Variants in SAE1 observed in about 807,000 individuals in gnomAD.
SAE1 encodes the protein SUMO-activating enzyme subunit 1.
SAE1 carries 11 observed loss-of-function variants against 40.6 expected under a neutral mutation model. The ratio of observed to expected loss-of-function variants is 0.27; its 90% CI spans 0.17 to 0.45. The LOEUF (loss-of-function observed/expected upper bound fraction) is 0.45. Ranked by LOEUF, SAE1 falls within the 20% of genes least tolerant of loss-of-function variation. The pLI is 1.00. For synonymous variants in SAE1, 155 were observed against 154.3 expected (o/e 1.00, Z -0.03); for missense variants, 373 against 427.3 (o/e 0.87, Z 1.12).
In SAE1 at chr19:47,184,642, C is replaced by T. The variant is rs147198116; in HGVS notation, c.734-12591C>T. Among the ~76,000 whole-genome samples, 807 of 152,042 alleles carry T rather than the reference C, an allele frequency of 5.3e-3. 12 individuals are homozygous for T. Among genetic ancestry groups the T allele is most frequent in the African/African-American group, 0.019 (785 of 41,458 alleles). On this transcript the variant is annotated intron_variant, in intron 6 of 8. Transcript: ENST00000270225. The stretch of plus-strand genomic sequence containing the variant: ...GCCAGGCTACTCTTGAACTCCTGAC[C>T]TCAGGTGATCCACCCACCTCAGCCT...
intron 6 of SAE1, among the ~76,000 whole-genome samples, chr19:47,191,332 GAAAAAC>G (rs920052319): frequency 6.6e-6 from 1 of 151,914 alleles, no homozygotes; most frequent in African/African-American, 2.4e-5. Flanking sequence ...AAAAAAAGAA[GAAAAAC>G]AAAAACAAGT....
At chr19:47,145,088 T>C (rs2058247279) in intron 2 of SAE1, among the ~76,000 whole-genome samples, 1 of 151,860 alleles carries the variant, frequency 6.6e-6, no homozygotes, top group Non-Finnish European at 1.5e-5. Flanking sequence ...CTGCAACCTC[T>C]GCCTCCCAGG....
chr19:47,158,660 C>T (rs904340464), intron 5 of SAE1, among the ~76,000 whole-genome samples: 15 of 152,204 alleles, frequency 9.9e-5, no homozygotes. Flanking sequence ...GCCCTCACTG[C>T]CGCAGCCAGC....
chr19:47,167,707 G>A (rs938607058), intron 5 of SAE1, among the ~76,000 whole-genome samples: 7 of 152,022 alleles, frequency 4.6e-5, no homozygotes, highest in Non-Finnish European at 1.0e-4. Context: ...GAGAGAGGGA[G>A]GAAGAAAGAC....
chr19:47,131,463 C>T (rs1335999451), intron 1 of SAE1, among the ~76,000 whole-genome samples: 2 of 151,978 alleles, frequency 1.3e-5, no homozygotes, highest in Non-Finnish European at 1.5e-5. Context: ...ACTGGCCAAC[C>T]GGACAGACGG....
intron 6 of SAE1, among the ~76,000 whole-genome samples, chr19:47,180,788 A>G (rs2058500889): frequency 6.6e-6 from 1 of 152,152 alleles, no homozygotes; most frequent in Admixed American, 6.6e-5. Flanking sequence ...GCACCACTGC[A>G]CTCCAGCCTG....
At chr19:47,143,628 C>T in intron 2 of SAE1, 23 bp downstream of exon 2, 1 of 1,531,584 alleles carries the variant, frequency 6.5e-7, no homozygotes, top group Middle Eastern at 1.7e-4. Context: ...GAGCTCATTC[C>T]TCCCCTGCTC....
chr19:47,194,644 C>T (rs978636147), intron 6 of SAE1, among the ~76,000 whole-genome samples: 2 of 152,044 alleles, frequency 1.3e-5, no homozygotes, highest in Non-Finnish European at 2.9e-5. Context: ...GTGCCCTTTC[C>T]TTGGGCAGTA....
Position 47,152,896 on chromosome 19 carries a change from A to T in SAE1, c.385-2A>T. The T allele has an allele frequency of 6.2e-7, 1 of 1,611,180 alleles. No homozygotes were observed. The highest frequency in any genetic ancestry group is 8.5e-7 in the Non-Finnish European group (1 of 1,179,598). On this transcript the variant is annotated splice_acceptor_variant, in intron 3 of 8. Transcript: ENST00000270225. LOFTEE classifies it high-confidence loss of function. ...ACCCAGCCAATTTCTTTCTTTCTGC[A>T]GGTGTGTCTGACTTGCTGCTCCAGG...
intron 7 of SAE1, 34 bp downstream of exon 7, chr19:47,197,411 A>G (rs2058623435): frequency 1.3e-6 from 2 of 1,571,902 alleles, no homozygotes; most frequent in African/African-American, 1.4e-5. Flanking sequence ...TTTAGTCTGG[A>G]CAGATAAAGT....
intron 6 of SAE1, among the ~76,000 whole-genome samples, chr19:47,173,419 G>T (rs1277375634): frequency 6.6e-6 from 1 of 152,084 alleles, no homozygotes; most frequent in African/African-American, 2.4e-5. Context: ...ATGTCCAGTA[G>T]CACCTGCACT....
rs1600153092 is a variant in SAE1, at chr19:47,144,323, G to C, written c.210+718G>C. Among the ~76,000 whole-genome samples, 4 of 152,118 alleles carry C rather than the reference G, an allele frequency of 2.6e-5. No individual in the cohort carries two copies. The South Asian group carries it at 8.3e-4, about 32-fold the overall frequency. ...CACTCCAGCCTGGGCAACAGAGTGA[G>C]ACTTTGCCTTAAAAAGAAATAAATT... is the stretch of plus-strand genomic sequence containing the variant. On this transcript the variant is annotated intron_variant, in intron 2 of 8. Coordinates refer to ENST00000270225, the MANE Select transcript of SAE1 (RefSeq NM_005500.3).
Position 47,207,912 on chromosome 19 carries a change from A to G in SAE1, c.949-1247A>G, listed in dbSNP as rs573507320. Reference sequence around the variant, plus strand: ...CGGCCTCCCTAAGTGCTGGGATTACAGATGTGAGACATTAAGCCCAGCCCT... The same window carrying G: ...CGGCCTCCCTAAGTGCTGGGATTACGGATGTGAGACATTAAGCCCAGCCCT... On this transcript the variant is annotated intron_variant, in intron 8 of 8. Coordinates refer to ENST00000270225, the MANE Select transcript of SAE1 (RefSeq NM_005500.3). 1.9e-4 allele frequency among the ~76,000 whole-genome samples: 29 copies of G among 152,248 alleles called. No homozygotes were observed. In the South Asian group the frequency reaches 5.8e-3, roughly 30 times the overall value.
intron 1 of SAE1, chr19:47,135,691 C>T (rs1158485330): frequency 2.0e-5 from 3 of 152,116 alleles, no homozygotes; most frequent in African/African-American, 7.2e-5. Context: ...GGTGGGGTTT[C>T]ACCAGGCTAG....
At chr19:47,164,452 C>T (rs2058377866) in intron 5 of SAE1, among the ~76,000 whole-genome samples, 3 of 151,996 alleles carry the variant, frequency 2.0e-5, no homozygotes, top group African/African-American at 2.4e-5. Flanking sequence ...CAGGCATGAG[C>T]CACCACGTCT....
intron 6 of SAE1, among the ~76,000 whole-genome samples, chr19:47,183,507 C>T (rs965868556): frequency 1.3e-5 from 2 of 152,166 alleles, no homozygotes; most frequent in Non-Finnish European, 2.9e-5. Flanking sequence ...ACTTCACAGG[C>T]ACCTCGTGAC....
chr19:47,187,308 C>T (rs932778219), intron 6 of SAE1, among the ~76,000 whole-genome samples: 1 of 152,154 alleles, frequency 6.6e-6, no homozygotes, highest in Non-Finnish European at 1.5e-5. Context: ...TCAGATGCAA[C>T]GGTGAAAGTG....
chr19:47,156,029 A>G (rs1190819457), intron 5 of SAE1, among the ~76,000 whole-genome samples: 4 of 151,948 alleles, frequency 2.6e-5, no homozygotes, highest in African/African-American at 9.7e-5. Context: ...ATGAGCCACC[A>G]TGCCCGACCA....
At chr19:47,167,797 A>G (rs559798471) in intron 5 of SAE1, among the ~76,000 whole-genome samples, 2 of 151,962 alleles carry the variant, frequency 1.3e-5, no homozygotes, top group Non-Finnish European at 2.9e-5. Context: ...CACAGAGTCT[A>G]TACCACGCCT....
Sources: allele counts gnomAD v4.1 joint callset (sites outside exome capture counted in the v4.1 genomes callset), GRCh38; gene constraint gnomAD v4.1.1; transcripts MANE v1.5; gene names NCBI Gene and HGNC (gene_info 2026-07-23, HGNC 2026-07-21).